C10orf90: variants seen among roughly 807,000 people sequenced by gnomAD.
The protein encoded by C10orf90 is (E2-independent) E3 ubiquitin-conjugating enzyme FATS.
In C10orf90, 56 loss-of-function variants were observed where a neutral mutation model predicts 62.5. The ratio of observed to expected loss-of-function variants is 0.90; its 90% CI spans 0.72 to 1.12. The LOEUF is 1.12. Ranked by LOEUF, C10orf90 falls within the 50% of genes most tolerant of loss-of-function variation. The pLI is 0.00. For missense variants in C10orf90, 970 were observed against 880.4 expected, an observed-to-expected ratio of 1.10 and a Z score of -1.29; for synonymous variants, 386 against 340.4, an observed-to-expected ratio of 1.13 and a Z score of -1.47.
intron 4 of C10orf90, among the ~76,000 whole-genome samples, chr10:126,498,822 G>A (rs4309068): frequency 0.99 from 151,532 of 152,330 alleles, 75,373 homozygotes; most frequent in East Asian, 1. Flanking sequence ...AGAGTTCCCT[G>A]AGTGGCTGGC....
At chr10:126,649,080 C>CCCT (rs1564909182) in intron 1 of C10orf90, among the ~76,000 whole-genome samples, 31 of 118,800 alleles carry the variant, frequency 2.6e-4, no homozygotes, top group Admixed American at 4.4e-4. Flanking sequence ...CTCCCCCCCC[C>CCCT]CCAGCAATTC....
Position 126,426,091 on chromosome 10 carries a change from C to G in C10orf90, c.2253-1G>C. The G allele has an allele frequency of 2.5e-6, 4 of 1,611,650 alleles. No homozygotes were observed. Among genetic ancestry groups the G allele is most frequent in the Non-Finnish European group, 3.4e-6 (4 of 1,177,798 alleles). On this transcript the variant is annotated splice_acceptor_variant, in intron 8 of 9. Transcript: ENST00000488181. LOFTEE classifies it high-confidence loss of function. ...AACTTCCGGCAAGTTATCATAGATT[C>G]TGAAACAGATTCGGAAAACATTTGG...
chr10:126,434,888 G>A (rs1857820306), intron 7 of C10orf90, among the ~76,000 whole-genome samples: 1 of 152,186 alleles, frequency 6.6e-6, no homozygotes, highest in Non-Finnish European at 1.5e-5. Flanking sequence ...GGCAATAGGA[G>A]AGTGGTCTAT....
rs1463220376 is a variant in C10orf90 at position 126,459,262 on chromosome 10, C to T, written c.2011-45G>A. 4 of 1,605,566 alleles carry T rather than the reference C, an allele frequency of 2.5e-6. No homozygotes were observed. The South Asian group carries it at 4.4e-5, about 18-fold the overall frequency. ...TACGTCATTTTTAAGAGCAGTGACACAGAAAGGCAACGCATCTGTCTGATG... is the reference window on the plus strand; with the variant it reads ...TACGTCATTTTTAAGAGCAGTGACATAGAAAGGCAACGCATCTGTCTGATG... On this transcript the variant is annotated intron_variant, in intron 6 of 9. Coordinates refer to ENST00000488181, the MANE Select transcript of C10orf90 (RefSeq NM_001350921.2).
At chr10:126,515,548 C>A (rs145739185) in intron 2 of C10orf90, among the ~76,000 whole-genome samples, 80 of 152,298 alleles carry the variant, frequency 5.3e-4, no homozygotes, top group Non-Finnish European at 7.8e-4. Context: ...GAACAATATG[C>A]CATACCATAC....
intron 4 of C10orf90, among the ~76,000 whole-genome samples, chr10:126,487,228 G>T (rs1352445403): frequency 6.7e-6 from 1 of 149,652 alleles, no homozygotes; most frequent in Non-Finnish European, 1.5e-5. Flanking sequence ...TTCTGAAGGA[G>T]ATAATAGAGG....
chr10:126,427,213 A>G (rs1857316298), intron 8 of C10orf90, among the ~76,000 whole-genome samples: 1 of 152,278 alleles, frequency 6.6e-6, no homozygotes, highest in South Asian at 2.1e-4. Context: ...GAAGAAAAGA[A>G]CACATAATTG....
chr10:126,615,128 C>T (rs73386871), intron 2 of C10orf90, among the ~76,000 whole-genome samples: 1 of 152,114 alleles, frequency 6.6e-6, no homozygotes, highest in African/African-American at 2.4e-5. Context: ...CAGATGGAGG[C>T]TCAAAGGTTT....
chr10:126,542,235 G>A, intron 2 of C10orf90, among the ~76,000 whole-genome samples: 1 of 152,140 alleles, frequency 6.6e-6, no homozygotes, highest in Non-Finnish European at 1.5e-5. Flanking sequence ...AGGTGCAGTG[G>A]CTCACATCTG....
intron 1 of C10orf90, among the ~76,000 whole-genome samples, chr10:126,652,651 G>C (rs1213809479): frequency 6.6e-6 from 1 of 152,168 alleles, no homozygotes; most frequent in Non-Finnish European, 1.5e-5. Flanking sequence ...GTATAAGCGA[G>C]AGCAGCAAGG....
intron 2 of C10orf90, among the ~76,000 whole-genome samples, chr10:126,640,035 A>G (rs12414201): frequency 1.2e-4 from 18 of 152,344 alleles, no homozygotes; most frequent in Admixed American, 1.1e-3. Flanking sequence ...TTTTCTCTCT[A>G]ATAACATCCT....
intron 2 of C10orf90, among the ~76,000 whole-genome samples, chr10:126,621,580 T>C (rs1223859536): frequency 6.6e-6 from 1 of 152,244 alleles, no homozygotes; most frequent in Non-Finnish European, 1.5e-5. Context: ...ATCTGTGCTT[T>C]GTGCATGGAA....
chr10:126,547,582 T>C (rs1864531324), intron 2 of C10orf90, among the ~76,000 whole-genome samples: 1 of 143,764 alleles, frequency 7.0e-6, no homozygotes, highest in African/African-American at 2.6e-5. Flanking sequence ...AAAGCAGCTA[T>C]GATAAAAATG....
chr10:126,572,679 T>C (rs1844531208), intron 2 of C10orf90, among the ~76,000 whole-genome samples: 1 of 152,144 alleles, frequency 6.6e-6, no homozygotes, highest in South Asian at 2.1e-4. Flanking sequence ...ATGATCTGTA[T>C]TTTGTCCCGA....
intron 2 of C10orf90, among the ~76,000 whole-genome samples, chr10:126,568,463 C>G (rs928203477): frequency 1.3e-5 from 2 of 152,182 alleles, no homozygotes; most frequent in Non-Finnish European, 2.9e-5. Flanking sequence ...AAAGCCAGCA[C>G]AGAATCCCTC....
chr10:126,464,843 TAGAC>T lies in C10orf90; in HGVS notation c.1674_1677del (p.Ser559GlufsTer15), dbSNP rs1860188826. ...CTCTCTGTGGGCTCAGAAAGGTCTCTAGACAGACAGTCATCGCTTGGAGAGCTAT... is the reference window on the plus strand; with the variant it reads ...CTCTCTGTGGGCTCAGAAAGGTCTCTAGACAGTCATCGCTTGGAGAGCTAT... On this transcript the variant is annotated frameshift_variant, in exon 5 of 10. Coordinates refer to ENST00000488181, the MANE Select transcript of C10orf90 (RefSeq NM_001350921.2). LOFTEE classifies it high-confidence loss of function. 1.2e-6 allele frequency: 2 copies of T among 1,614,046 alleles called. No homozygotes were observed. The highest frequency in any genetic ancestry group is 1.7e-6 in the Non-Finnish European group (2 of 1,180,036).
chr10:126,582,596 T>G (rs1844776422), intron 2 of C10orf90, among the ~76,000 whole-genome samples: 1 of 152,176 alleles, frequency 6.6e-6, no homozygotes. Context: ...GAGACAAAGA[T>G]CCTCGATTTG....
chr10:126,521,149 G>A, intron 2 of C10orf90: 1 of 767,872 alleles, frequency 1.3e-6, no homozygotes, highest in East Asian at 2.7e-5. Flanking sequence ...TCCCCAAGTT[G>A]GCCCAGGTCT....
intron 2 of C10orf90, among the ~76,000 whole-genome samples, chr10:126,584,769 T>C (rs995165269): frequency 6.6e-6 from 1 of 152,164 alleles, no homozygotes; most frequent in African/African-American, 2.4e-5. Flanking sequence ...TTTAAAATCT[T>C]ATAGTATTAG....
Sources: gnomAD v4.1 joint callset for allele counts (sites outside exome capture counted in the v4.1 genomes callset) on GRCh38, gnomAD v4.1.1 for gene constraint, MANE v1.5 for transcripts, NCBI Gene and HGNC (gene_info 2026-07-23, HGNC 2026-07-21) for gene names.